CMKLR1: variants seen among roughly 807,000 people sequenced by gnomAD.
CMKLR1 encodes chemerin chemokine-like receptor 1, also known as chemerin-like receptor 1.
In CMKLR1, 6 loss-of-function variants were observed where a neutral mutation model predicts 8.2. The ratio of observed to expected loss-of-function variants is 0.73; its 90% CI spans 0.40 to 1.44. The LOEUF (loss-of-function observed/expected upper bound fraction) is 1.44, where lower values mean the gene tolerates loss of function less well. Among genes scored for constraint, CMKLR1 ranks in the 40% most tolerant of loss-of-function variants. The probability of loss-of-function intolerance (pLI) is 0.02; values close to 1 mark genes in which losing one functional copy is unlikely to be tolerated. For synonymous variants in CMKLR1, 178 were observed against 181.2 expected (o/e 0.98, Z 0.14); for missense variants, 429 against 478.0 (o/e 0.90, Z 0.96).
At chr12:108,335,074 T>A (rs1424813200) in intron 1 of CMKLR1, among the ~76,000 whole-genome samples, 1 of 152,150 alleles carries the variant, frequency 6.6e-6, no homozygotes, top group Non-Finnish European at 1.5e-5. Flanking sequence ...CATCACCATG[T>A]TAACTAAGAT....
intron 2 of CMKLR1, among the ~76,000 whole-genome samples, chr12:108,298,560 C>T (rs1009976859): frequency 2.0e-5 from 3 of 152,212 alleles, no homozygotes; most frequent in Admixed American, 6.5e-5. Flanking sequence ...GGACACCCTC[C>T]TTGTTGCTCC....
intron 2 of CMKLR1, among the ~76,000 whole-genome samples, chr12:108,298,093 A>G (rs997303460): frequency 1.3e-5 from 2 of 152,194 alleles, no homozygotes; most frequent in African/African-American, 4.8e-5. Flanking sequence ...ATGTTCTACA[A>G]CTGATCACAT....
chr12:108,333,904 T>G (rs1462118655), intron 1 of CMKLR1, among the ~76,000 whole-genome samples: 2 of 152,280 alleles, frequency 1.3e-5, no homozygotes, highest in African/African-American at 4.8e-5. Context: ...ACTGGTTTCG[T>G]GCTATCGCCT....
chr12:108,298,664 A>G (rs1891193664), intron 2 of CMKLR1, among the ~76,000 whole-genome samples: 1 of 152,110 alleles, frequency 6.6e-6, no homozygotes, highest in South Asian at 2.1e-4. Context: ...CTCACCAGAG[A>G]CCACATCATT....
At chr12:108,296,653 C>T (rs971639314) in intron 2 of CMKLR1, among the ~76,000 whole-genome samples, 21 of 152,060 alleles carry the variant, frequency 1.4e-4, no homozygotes, top group African/African-American at 9.7e-5. Context: ...TGGTGAAACC[C>T]GGTCTCTACT....
intron 2 of CMKLR1, among the ~76,000 whole-genome samples, chr12:108,314,623 A>C (rs955582325): frequency 6.6e-6 from 1 of 152,204 alleles, no homozygotes; most frequent in African/African-American, 2.4e-5. Flanking sequence ...ATTTTCTAGA[A>C]TATCTGAGAA....
At chr12:108,302,511 CA>C (rs1314050070) in intron 2 of CMKLR1, among the ~76,000 whole-genome samples, 2 of 151,974 alleles carry the variant, frequency 1.3e-5, no homozygotes, top group Non-Finnish European at 2.9e-5. Flanking sequence ...GGAGGCCAGG[CA>C]GGGGTGCAGC....
intron 1 of CMKLR1, among the ~76,000 whole-genome samples, chr12:108,337,766 G>A (rs886821403): frequency 6.6e-6 from 1 of 152,150 alleles, no homozygotes; most frequent in African/African-American, 2.4e-5. Context: ...CCAAGTGTAT[G>A]ACACATCATC....
intron 2 of CMKLR1, among the ~76,000 whole-genome samples, chr12:108,308,360 GT>G (rs1891459907): frequency 6.6e-6 from 1 of 152,210 alleles, no homozygotes; most frequent in East Asian, 1.9e-4. Flanking sequence ...GAAGTCCACT[GT>G]TTTAGGGTCC....
chr12:108,293,945 C>T (rs972616829), intron 2 of CMKLR1, among the ~76,000 whole-genome samples: 3 of 152,090 alleles, frequency 2.0e-5, no homozygotes, highest in African/African-American at 7.2e-5. Flanking sequence ...CAGCTGGAGT[C>T]GGGCATGAGT....
chr12:108,309,412 T>C (rs1891493445), intron 2 of CMKLR1, among the ~76,000 whole-genome samples: 1 of 151,916 alleles, frequency 6.6e-6, no homozygotes, highest in African/African-American at 2.4e-5. Context: ...AAGAGCATGG[T>C]AGGCAGTGGG....
At chr12:108,313,009 A>C (rs1293187958) in intron 2 of CMKLR1, among the ~76,000 whole-genome samples, 1 of 152,116 alleles carries the variant, frequency 6.6e-6, no homozygotes, top group Non-Finnish European at 1.5e-5. Context: ...AGCCACGAGC[A>C]CAGAGGCCTT....
At chr12:108,308,691 G>C (rs888469833) in intron 2 of CMKLR1, among the ~76,000 whole-genome samples, 6 of 152,212 alleles carry the variant, frequency 3.9e-5, no homozygotes, top group Admixed American at 3.9e-4. Flanking sequence ...CTCCAGACAG[G>C]CTGACTCAAA....
intron 2 of CMKLR1, among the ~76,000 whole-genome samples, chr12:108,327,960 T>C (rs1308541971): frequency 1.3e-5 from 2 of 152,092 alleles, no homozygotes; most frequent in Admixed American, 6.5e-5. Flanking sequence ...GGGAGACCTG[T>C]CAGAAACCCT....
At chr12:108,330,751 A>G (rs1047292395) in intron 1 of CMKLR1, among the ~76,000 whole-genome samples, 1 of 152,238 alleles carries the variant, frequency 6.6e-6, no homozygotes, top group Admixed American at 6.5e-5. Flanking sequence ...GAAATAAAGT[A>G]GAGCAGTTGG....
chr12:108,312,865 C>T (rs1272462032), intron 2 of CMKLR1, among the ~76,000 whole-genome samples: 3 of 152,110 alleles, frequency 2.0e-5, no homozygotes, highest in Non-Finnish European at 4.4e-5. Flanking sequence ...CTCCAAATCA[C>T]CCCCCTCTGC....
At chr12:108,324,945 A>C (rs978586574) in intron 2 of CMKLR1, among the ~76,000 whole-genome samples, 2 of 151,776 alleles carry the variant, frequency 1.3e-5, no homozygotes, top group Non-Finnish European at 2.9e-5. Context: ...CCTTGAGAAC[A>C]CTCCCACCGG....
chr12:108,300,316 G>A (rs1026352254), intron 2 of CMKLR1, among the ~76,000 whole-genome samples: 1 of 152,170 alleles, frequency 6.6e-6, no homozygotes, highest in Admixed American at 6.5e-5. Context: ...GGTCACTTCT[G>A]CCTTACTCCT....
intron 2 of CMKLR1, among the ~76,000 whole-genome samples, chr12:108,297,943 C>T (rs1461756559): frequency 6.6e-6 from 1 of 152,226 alleles, no homozygotes; most frequent in Admixed American, 6.5e-5. Context: ...AATTCCTAGT[C>T]AATGATGTTG....
Sources: allele counts gnomAD v4.1 joint callset (sites outside exome capture counted in the v4.1 genomes callset), GRCh38; gene constraint gnomAD v4.1.1; transcripts MANE v1.5; gene names NCBI Gene and HGNC (gene_info 2026-07-23, HGNC 2026-07-21).